The following SHC4 variants were observed in gnomAD, a reference collection of about 807,000 sequenced individuals.
SHC4 encodes the protein SHC-transforming protein 4.
In SHC4, 41 loss-of-function variants were observed where a neutral mutation model predicts 69.4. The observed-to-expected ratio is 0.59, with a 90% CI of 0.46 to 0.77. The LOEUF (loss-of-function observed/expected upper bound fraction) is 0.77, where lower values mean the gene tolerates loss of function less well. Ranked by LOEUF, SHC4 falls within the 30% of genes least tolerant of loss-of-function variation. The pLI is 0.00. For synonymous variants in SHC4, 318 were observed against 299.3 expected (o/e 1.06, Z -0.64); for missense variants, 777 against 783.8 (o/e 0.99, Z 0.10).
At chr15:48,960,282 T>G (rs1357625257) in intron 1 of SHC4, among the ~76,000 whole-genome samples, 3 of 152,172 alleles carry the variant, frequency 2.0e-5, no homozygotes, top group Admixed American at 1.3e-4. Context: ...ATGGGGAGGT[T>G]GCAGGAGGTA....
chr15:48,895,080 G>A (rs934571311), intron 2 of SHC4, among the ~76,000 whole-genome samples: 3 of 152,006 alleles, frequency 2.0e-5, no homozygotes, highest in Non-Finnish European at 4.4e-5. Flanking sequence ...GCTGGGATTA[G>A]AGGTGTGAGC....
chr15:48,877,411 A>T, intron 4 of SHC4: 2 of 967,222 alleles, frequency 2.1e-6, no homozygotes, highest in Non-Finnish European at 2.5e-6. Flanking sequence ...ACAGTCATAT[A>T]ATTCATATAA....
At position 48,856,085 on chromosome 15, in the gene SHC4, T is replaced by TTC; in HGVS notation, c.1108_1109dup (p.Asp371LysfsTer16). 6.2e-7 allele frequency: 1 copy of TTC among 1,613,768 alleles called. No homozygotes were observed. Among genetic ancestry groups the TTC allele is most frequent in the Non-Finnish European group, 8.5e-7 (1 of 1,179,760 alleles). On this transcript the variant is annotated frameshift_variant, in exon 8 of 12. Coordinates refer to ENST00000332408, the MANE Select transcript of SHC4 (RefSeq NM_203349.4). LOFTEE classifies it high-confidence loss of function. ...GAATTTCATTGTAATATTCATGATC[T>TTC]TCTCTCTCCTCGGCATGGCTATCAA...
intron 6 of SHC4, 45 bp from the exon 7 acceptor site, chr15:48,857,860 A>G: frequency 7.0e-7 from 1 of 1,428,170 alleles, no homozygotes; most frequent in Non-Finnish European, 9.2e-7. Flanking sequence ...AAATTTTTAG[A>G]AAGAGAAGAT....
chr15:48,918,600 C>A (rs1323718770), intron 2 of SHC4, among the ~76,000 whole-genome samples: 2 of 151,944 alleles, frequency 1.3e-5, no homozygotes, highest in Admixed American at 6.6e-5. Flanking sequence ...TTTATAAAGT[C>A]TTTTCATTTA....
intron 1 of SHC4, among the ~76,000 whole-genome samples, chr15:48,959,081 A>G (rs1303228165): frequency 6.6e-6 from 1 of 152,248 alleles, no homozygotes; most frequent in Non-Finnish European, 1.5e-5. Flanking sequence ...TAAAAAGAAT[A>G]TTTAACCCAA....
At chr15:48,872,754 CTAATA>C (rs1246685216) in intron 4 of SHC4, among the ~76,000 whole-genome samples, 2 of 152,180 alleles carry the variant, frequency 1.3e-5, no homozygotes, top group Non-Finnish European at 2.9e-5. Context: ...ATTAGGACTT[CTAATA>C]TGAGTAAGAA....
At chr15:48,887,255 C>A (rs901445218) in intron 3 of SHC4, among the ~76,000 whole-genome samples, 1 of 152,152 alleles carries the variant, frequency 6.6e-6, no homozygotes, top group Admixed American at 6.5e-5. Flanking sequence ...CTCCCTCCCC[C>A]CAGGGCAGAT....
intron 1 of SHC4, among the ~76,000 whole-genome samples, chr15:48,959,821 C>A (rs1901512108): frequency 6.6e-6 from 1 of 152,138 alleles, no homozygotes; most frequent in Non-Finnish European, 1.5e-5. Context: ...AGGAACAGAA[C>A]AACAACCAGG....
intron 6 of SHC4, among the ~76,000 whole-genome samples, chr15:48,865,760 C>T (rs1198064860): frequency 6.6e-6 from 1 of 152,170 alleles, no homozygotes; most frequent in Non-Finnish European, 1.5e-5. Context: ...CCTCGCTCAA[C>T]AGTTCACATG....
At chr15:48,881,054 C>A (rs1222054458) in intron 4 of SHC4, among the ~76,000 whole-genome samples, 1 of 150,142 alleles carries the variant, frequency 6.7e-6, no homozygotes, top group South Asian at 2.1e-4. Context: ...GAAAGGAGTT[C>A]TGGGGAAATT....
chr15:48,849,974 A>G (rs1485735241), intron 9 of SHC4, among the ~76,000 whole-genome samples: 1 of 152,196 alleles, frequency 6.6e-6, no homozygotes, highest in Non-Finnish European at 1.5e-5. Context: ...AGGCCAAGGC[A>G]GGTGGATCAC....
At chr15:48,952,724 C>A (rs1901385698) in intron 1 of SHC4, among the ~76,000 whole-genome samples, 1 of 152,114 alleles carries the variant, frequency 6.6e-6, no homozygotes, top group South Asian at 2.1e-4. Context: ...AACCACATAC[C>A]ATCTCACACC....
At chr15:48,859,016 C>G (rs921240656) in intron 6 of SHC4, among the ~76,000 whole-genome samples, 2 of 152,274 alleles carry the variant, frequency 1.3e-5, no homozygotes, top group African/African-American at 4.8e-5. Context: ...AAAGGGATAT[C>G]TGAGGAGAGG....
At chr15:48,827,385 T>C (rs1898709228) in intron 11 of SHC4, among the ~76,000 whole-genome samples, 2 of 152,184 alleles carry the variant, frequency 1.3e-5, no homozygotes, top group South Asian at 4.1e-4. Flanking sequence ...CATTCAAGGA[T>C]TTACAGAAGA....
intron 2 of SHC4, among the ~76,000 whole-genome samples, chr15:48,905,586 T>C (rs1900393211): frequency 6.6e-6 from 1 of 152,214 alleles, no homozygotes; most frequent in African/African-American, 2.4e-5. Context: ...CAAAGAGAGA[T>C]ACTAGAATGT....
At chr15:48,896,771 A>AAG (rs1900229612) in intron 2 of SHC4, among the ~76,000 whole-genome samples, 1 of 152,246 alleles carries the variant, frequency 6.6e-6, no homozygotes, top group Non-Finnish European at 1.5e-5. Flanking sequence ...TGCTGATAGC[A>AAG]GCGTTAACAA....
intron 2 of SHC4, among the ~76,000 whole-genome samples, chr15:48,922,193 G>A (rs1391720633): frequency 6.6e-6 from 1 of 152,122 alleles, no homozygotes; most frequent in Non-Finnish European, 1.5e-5. Context: ...CTTGCCTATA[G>A]TCTGTTTCCC....
intron 10 of SHC4, among the ~76,000 whole-genome samples, chr15:48,838,151 A>G (rs1898930899): frequency 6.6e-6 from 1 of 152,246 alleles, no homozygotes; most frequent in African/African-American, 2.4e-5. Flanking sequence ...ATGTTTATAC[A>G]GACACATTTC....
Sources: allele counts gnomAD v4.1 joint callset (sites outside exome capture counted in the v4.1 genomes callset), GRCh38; gene constraint gnomAD v4.1.1; transcripts MANE v1.5; gene names NCBI Gene and HGNC (gene_info 2026-07-23, HGNC 2026-07-21).